VMP1: variants seen among roughly 807,000 people sequenced by gnomAD.
VMP1 encodes ectopic P-granules autophagy protein 3 homolog.
VMP1 carries 11 observed loss-of-function variants against 56.0 expected under a neutral mutation model. That is an observed-to-expected ratio of 0.20 (90% CI 0.12 to 0.32). VMP1 has a LOEUF of 0.32. Ranked by LOEUF, VMP1 falls within the 10% of genes least tolerant of loss-of-function variation. VMP1 has a pLI of 1.00. For missense variants in VMP1, 296 were observed against 490.3 expected, an observed-to-expected ratio of 0.60 and a Z score of 3.74; for synonymous variants, 149 against 165.0, an observed-to-expected ratio of 0.90 and a Z score of 0.74.
chr17:59,841,221 G>C lies in VMP1; in HGVS notation c.*1310G>C, dbSNP rs79800958. The stretch of plus-strand genomic sequence containing the variant: ...TTTATCAAATCCTGCCTGACTGTCT[G>C]CTTGTTTTGCCTACCATCGTGACAT... On this transcript the variant is annotated 3_prime_UTR_variant, in exon 12 of 12. Coordinates refer to ENST00000262291, the MANE Select transcript of VMP1 (RefSeq NM_030938.5). The C allele has an allele frequency of 0.022, 10,117 of 455,900 alleles. 910 individuals carry two copies. The highest frequency in any genetic ancestry group is 0.16 in the South Asian group (9,674 of 59,800). The allele number at this position is 455,900 out of a possible 1,614,324, so 28.2% of individuals were successfully genotyped here.
intron 10 of VMP1, among the ~76,000 whole-genome samples, chr17:59,836,468 G>A (rs1039600641): frequency 1.5e-4 from 23 of 152,058 alleles, no homozygotes; most frequent in African/African-American, 5.6e-4. Context: ...AAAGTGCTGG[G>A]ATTACAAGCG....
At chr17:59,745,495 A>G (rs1054457653) in intron 5 of VMP1, among the ~76,000 whole-genome samples, 2 of 152,396 alleles carry the variant, frequency 1.3e-5, no homozygotes, top group Admixed American at 6.5e-5. Context: ...TTTACTTAAT[A>G]GAAACAATTT....
intron 1 of VMP1, among the ~76,000 whole-genome samples, chr17:59,727,015 A>G (rs2034632991): frequency 6.6e-6 from 1 of 152,184 alleles, no homozygotes; most frequent in Non-Finnish European, 1.5e-5. Context: ...TTTTATGTAC[A>G]TTATCTTGTT....
At chr17:59,830,332 G>A (rs1040092715) in intron 10 of VMP1, among the ~76,000 whole-genome samples, 4 of 152,044 alleles carry the variant, frequency 2.6e-5, no homozygotes, top group Non-Finnish European at 5.9e-5. Context: ...CAAAGTGCTG[G>A]GATTACAGTG....
At chr17:59,779,480 G>A (rs1005020381) in intron 7 of VMP1, among the ~76,000 whole-genome samples, 1 of 152,008 alleles carries the variant, frequency 6.6e-6, no homozygotes, top group Admixed American at 6.6e-5. Flanking sequence ...AGTTTTGTGG[G>A]GCAAAGTATT....
chr17:59,766,279 A>C (rs1192704862), intron 6 of VMP1, among the ~76,000 whole-genome samples: 3 of 152,090 alleles, frequency 2.0e-5, no homozygotes, highest in African/African-American at 4.8e-5. Context: ...CAAGGCAGGC[A>C]GATCACTTGA....
chr17:59,814,733 T>A (rs1166788247), intron 9 of VMP1, among the ~76,000 whole-genome samples: 1 of 152,162 alleles, frequency 6.6e-6, no homozygotes, highest in Non-Finnish European at 1.5e-5. Flanking sequence ...CCTGTATCTA[T>A]GTGGAAGCAA....
intron 5 of VMP1, among the ~76,000 whole-genome samples, chr17:59,747,413 C>CTTTTT (rs201448260): frequency 7.3e-6 from 1 of 137,182 alleles, no homozygotes; most frequent in African/African-American, 2.7e-5. Flanking sequence ...TTCTTTCTTT[C>CTTTTT]TTTTTTTTTT....
At chr17:59,828,837 C>T (rs963046374) in intron 10 of VMP1, among the ~76,000 whole-genome samples, 10 of 152,162 alleles carry the variant, frequency 6.6e-5, no homozygotes, top group Non-Finnish European at 5.9e-5. Context: ...TATACTGAGC[C>T]AGGCACAGAG....
At chr17:59,729,258 G>T (rs2034724473) in intron 1 of VMP1, among the ~76,000 whole-genome samples, 1 of 152,156 alleles carries the variant, frequency 6.6e-6, no homozygotes, top group Admixed American at 6.5e-5. Context: ...GCCGAGGCAG[G>T]CAGATCACAA....
intron 6 of VMP1, among the ~76,000 whole-genome samples, chr17:59,767,808 A>C (rs1332961501): frequency 6.6e-6 from 1 of 152,194 alleles, no homozygotes. Context: ...TAAAAGTATT[A>C]GCATCATAGT....
chr17:59,836,229 A>T (rs1046698961), intron 10 of VMP1, among the ~76,000 whole-genome samples: 10 of 149,252 alleles, frequency 6.7e-5, no homozygotes, highest in African/African-American at 1.2e-4. Flanking sequence ...TTTTATTTTT[A>T]TTTATTTATT....
At chr17:59,751,289 A>G (rs1159844658) in intron 5 of VMP1, among the ~76,000 whole-genome samples, 1 of 152,208 alleles carries the variant, frequency 6.6e-6, no homozygotes, top group Non-Finnish European at 1.5e-5. Flanking sequence ...GATCCAGTAC[A>G]TGAGCGATCA....
At chr17:59,809,741 C>T (rs1263465177) in intron 8 of VMP1, among the ~76,000 whole-genome samples, 1 of 149,814 alleles carries the variant, frequency 6.7e-6, no homozygotes, top group Non-Finnish European at 1.5e-5. Context: ...CTCCTGACCT[C>T]GTGATCCGCC....
chr17:59,764,363 C>T (rs2036160105), intron 5 of VMP1, among the ~76,000 whole-genome samples: 1 of 152,062 alleles, frequency 6.6e-6, no homozygotes. Context: ...GGGCCTTGTT[C>T]CGTTGTCCAG....
intron 6 of VMP1, among the ~76,000 whole-genome samples, chr17:59,766,932 A>C (rs1330671556): frequency 6.6e-6 from 1 of 152,040 alleles, no homozygotes; most frequent in East Asian, 1.9e-4. Context: ...GGCACCCGCC[A>C]CCACGCTCGG....
chr17:59,774,851 C>T (rs2036560574), intron 7 of VMP1, among the ~76,000 whole-genome samples: 1 of 152,050 alleles, frequency 6.6e-6, no homozygotes, highest in Non-Finnish European at 1.5e-5. Flanking sequence ...GTAATCCCAG[C>T]ACTTTGAGAG....
chr17:59,798,695 T>A (rs2037534106), intron 7 of VMP1, among the ~76,000 whole-genome samples: 1 of 152,226 alleles, frequency 6.6e-6, no homozygotes, highest in Non-Finnish European at 1.5e-5. Flanking sequence ...CAGACCAGCC[T>A]GACCAACATG....
chr17:59,827,596 G>A lies in VMP1; in HGVS notation c.974+9823G>A, dbSNP rs190070243. On this transcript the variant is annotated intron_variant, in intron 10 of 11. Transcript: ENST00000262291. ...AGTGCTGGGATTACAGGCATGAGCC[G>A]CTGTGCTGGCCTGATTTTTAAGTTT... Among the ~76,000 whole-genome samples the A allele has an allele frequency of 4.4e-3, 668 of 152,028 alleles. 14 individuals are homozygous for A. Among genetic ancestry groups the A allele is most frequent in the Non-Finnish European group, 2.1e-3 (141 of 67,984 alleles).
Sources: gnomAD v4.1 joint callset for allele counts (sites outside exome capture counted in the v4.1 genomes callset) on GRCh38, gnomAD v4.1.1 for gene constraint, MANE v1.5 for transcripts, NCBI Gene and HGNC (gene_info 2026-07-23, HGNC 2026-07-21) for gene names.